OGDH: variants seen among roughly 807,000 people sequenced by gnomAD.
The protein encoded by OGDH is oxoglutarate dehydrogenase, also known as 2-oxoglutarate dehydrogenase complex component E1.
OGDH carries 38 observed loss-of-function variants against 116.6 expected under a neutral mutation model. That is an observed-to-expected ratio of 0.33 (90% CI 0.25 to 0.43). The LOEUF is 0.43. Among genes scored for constraint, OGDH ranks in the 20% least tolerant of loss-of-function variants. The pLI is 1.00. For missense variants in OGDH, 825 were observed against 1,357.2 expected, an observed-to-expected ratio of 0.61 and a Z score of 6.16; for synonymous variants, 488 against 533.3, an observed-to-expected ratio of 0.92 and a Z score of 1.17.
At chr7:44,677,069 A>G (rs572183447) in intron 9 of OGDH, among the ~76,000 whole-genome samples, 2 of 152,274 alleles carry the variant, frequency 1.3e-5, no homozygotes, top group South Asian at 2.1e-4. Context: ...GATTGTAACA[A>G]TTTGCCCTTA....
intron 10 of OGDH, among the ~76,000 whole-genome samples, chr7:44,685,885 A>G (rs922252634): frequency 1.8e-4 from 28 of 152,160 alleles, no homozygotes; most frequent in Admixed American, 1.0e-3. Context: ...AGGCCTCTCA[A>G]AGTGCTGGGA....
chr7:44,616,010 C>T (rs1374956288), intron 1 of OGDH, among the ~76,000 whole-genome samples: 1 of 150,264 alleles, frequency 6.7e-6, no homozygotes, highest in Non-Finnish European at 1.5e-5. Flanking sequence ...GCCTGGGCAA[C>T]AGAGCAAGAC....
At chr7:44,701,468 G>A in intron 19 of OGDH, 75 bp from the exon 20 acceptor site, 1 of 1,316,602 alleles carries the variant, frequency 7.6e-7, no homozygotes, top group Non-Finnish European at 1.1e-6. Flanking sequence ...CAAGGCTTGG[G>A]TAGCCTTGCT....
chr7:44,613,028 G>A (rs56141231), intron 1 of OGDH, among the ~76,000 whole-genome samples: 47,118 of 149,188 alleles, frequency 0.32, 8,644 homozygotes, highest in Non-Finnish European at 0.42. Context: ...CTACAGGCAC[G>A]TGCCACCAAC....
chr7:44,652,785 G>A (rs1786510182), intron 4 of OGDH, among the ~76,000 whole-genome samples: 2 of 152,088 alleles, frequency 1.3e-5, no homozygotes, highest in East Asian at 1.9e-4. Context: ...GGAGAATGAG[G>A]CACCAACCTC....
rs1178753128 is a variant in OGDH at position 44,676,057 on chromosome 7, G to A, written c.1114G>A (p.Ala372Thr). The change falls in exon 9 of 23, where the codon GCC becomes ACC. Residue 372 changes from alanine (A) to threonine (T), a missense_variant. Ala to Thr is a moderately conservative substitution (Grantham distance 58). Around this residue, in one of 7 missense-constraint regions of OGDH, gnomAD observed 146 missense variants for 317.3 expected, o/e 0.46. Transcript: ENST00000222673. ...TDRNITLSLV[A>T]NPSHLEAADP... is the part of the protein sequence containing the mutation. ...CAGGAACATTACCTTGTCCTTGGTGGCCAACCCTTCCCACCTTGAGGCCGC... is the reference window on the plus strand; with the variant it reads ...CAGGAACATTACCTTGTCCTTGGTGACCAACCCTTCCCACCTTGAGGCCGC... 4 of 1,614,050 alleles carry A rather than the reference G, an allele frequency of 2.5e-6. No individual in the cohort carries two copies.
At chr7:44,632,313 T>C (rs1391258186) in intron 2 of OGDH, among the ~76,000 whole-genome samples, 1 of 152,050 alleles carries the variant, frequency 6.6e-6, no homozygotes, top group Non-Finnish European at 1.5e-5. Context: ...GCTCTTCTTT[T>C]TGAGACAGGG....
Position 44,708,074 on chromosome 7 carries a change from G to C in OGDH, c.*75G>C. On this transcript the variant is annotated 3_prime_UTR_variant, in exon 23 of 23. Transcript: ENST00000222673. ...CCCCTTGCTTCTCAACTAAAGAATA[G>C]TGCCTCAGCGCTGCCCACACCACCG... The C allele has an allele frequency of 6.4e-7, 1 of 1,554,940 alleles. No homozygotes were observed. The highest frequency in any genetic ancestry group is 1.2e-5 in the South Asian group (1 of 84,272).
intron 4 of OGDH, among the ~76,000 whole-genome samples, chr7:44,663,021 AC>A (rs1028409803): frequency 6.6e-6 from 1 of 151,974 alleles, no homozygotes; most frequent in African/African-American, 2.4e-5. Flanking sequence ...CTTTTCAGCC[AC>A]CCTCTTTATT....
At chr7:44,683,017 C>T (rs898858550) in intron 10 of OGDH, among the ~76,000 whole-genome samples, 6 of 151,686 alleles carry the variant, frequency 4.0e-5, no homozygotes, top group East Asian at 1.9e-4. Context: ...GGTGTGGTGG[C>T]GGGCACCTAT....
chr7:44,676,685 C>T, intron 9 of OGDH: 1 of 355,918 alleles, frequency 2.8e-6, no homozygotes, highest in Non-Finnish European at 3.9e-6. Flanking sequence ...AACAGTCCTG[C>T]TTACAGTGTT....
intron 2 of OGDH, among the ~76,000 whole-genome samples, chr7:44,642,578 A>C (rs1785992861): frequency 6.6e-6 from 1 of 152,230 alleles, no homozygotes; most frequent in South Asian, 2.1e-4. Flanking sequence ...AATACACCAG[A>C]AATTAACCAG....
chr7:44,680,871 C>T (rs1018850542), intron 9 of OGDH, among the ~76,000 whole-genome samples: 2 of 152,210 alleles, frequency 1.3e-5, no homozygotes, highest in African/African-American at 4.8e-5. Flanking sequence ...CTGGACAGAG[C>T]TGCTCTCCCT....
At chr7:44,705,721 A>G (rs145092428) in intron 20 of OGDH, among the ~76,000 whole-genome samples, 59 of 152,236 alleles carry the variant, frequency 3.9e-4, no homozygotes, top group East Asian at 3.5e-3. Flanking sequence ...TGTTTGTATC[A>G]TAAATGGAAT....
chr7:44,657,477 A>G (rs564845663), intron 4 of OGDH, among the ~76,000 whole-genome samples: 2 of 152,322 alleles, frequency 1.3e-5, no homozygotes, highest in East Asian at 1.9e-4. Flanking sequence ...TGGATGTACT[A>G]TGATTGTTTT....
chr7:44,655,048 T>C (rs1174742282), intron 4 of OGDH, among the ~76,000 whole-genome samples: 3 of 152,218 alleles, frequency 2.0e-5, no homozygotes, highest in Non-Finnish European at 4.4e-5. Context: ...TATAAAAAAG[T>C]ACAGATAAAA....
At chr7:44,618,399 C>G (rs1421778252) in intron 1 of OGDH, among the ~76,000 whole-genome samples, 1 of 152,150 alleles carries the variant, frequency 6.6e-6, no homozygotes, top group Non-Finnish European at 1.5e-5. Flanking sequence ...TGAGTTACTC[C>G]TCATCCTTCC....
chr7:44,670,624 TTAGGG>T (rs1442812290), intron 5 of OGDH, among the ~76,000 whole-genome samples: 21 of 152,276 alleles, frequency 1.4e-4, no homozygotes, highest in African/African-American at 5.1e-4. Flanking sequence ...GACTCTGAAA[TTAGGG>T]ATTAGGGGGC....
At position 44,697,601 on chromosome 7, in the gene OGDH, T is replaced by C. The variant is rs1387527186; in HGVS notation, c.2180-3T>C. On this transcript the variant is annotated splice_region_variant and splice_polypyrimidine_tract_variant and intron_variant, in intron 16 of 22. Transcript: ENST00000222673. This position sits in a 1 kb window ranked among gnomAD's most constrained non-coding sequence, Gnocchi z 6.0. Reference sequence around the variant, plus strand: ...GGTTTTCTCCTTCCTTTGTCCCTTGTAGGCTTTGAGCTGGGCTTCGCCATG... The same window carrying C: ...GGTTTTCTCCTTCCTTTGTCCCTTGCAGGCTTTGAGCTGGGCTTCGCCATG... The C allele has an allele frequency of 6.2e-7, 1 of 1,614,242 alleles. No individual in the cohort carries two copies. Among genetic ancestry groups the C allele is most frequent in the East Asian group, 2.2e-5 (1 of 44,886 alleles).
Sources: allele counts gnomAD v4.1 joint callset (sites outside exome capture counted in the v4.1 genomes callset), GRCh38; gene constraint gnomAD v4.1.1; regional missense constraint gnomAD v4.1.1; non-coding constraint Gnocchi (gnomAD v3.1); transcripts MANE v1.5; gene names NCBI Gene and HGNC (gene_info 2026-07-23, HGNC 2026-07-21).